JAK1: variants seen among roughly 807,000 people sequenced by gnomAD.
JAK1 encodes Janus kinase 1.
In JAK1, 16 loss-of-function variants were observed where a neutral mutation model predicts 136.6. That is an observed-to-expected ratio of 0.12 (90% CI 0.08 to 0.18). The LOEUF is 0.18. Ranked by LOEUF, JAK1 falls within the 10% of genes least tolerant of loss-of-function variation. JAK1 has a pLI of 1.00. For missense variants in JAK1, 859 were observed against 1,450.1 expected (o/e 0.59, Z 6.62); for synonymous variants, 492 against 519.5 (o/e 0.95, Z 0.72).
intron 2 of JAK1, chr1:64,985,498 C>G (rs1646590125): frequency 5.7e-6 from 9 of 1,568,218 alleles, no homozygotes; most frequent in Non-Finnish European, 7.9e-6. Context: ...GGAAGGGCTG[C>G]ACTTTGTAGC....
chr1:65,056,103 C>T (rs1369665106), intron 1 of JAK1, among the ~76,000 whole-genome samples: 2 of 152,134 alleles, frequency 1.3e-5, no homozygotes, highest in South Asian at 4.1e-4. Flanking sequence ...TTCACCAATC[C>T]CTAACTTTCC....
At chr1:64,873,090 T>C (rs1461365354) in intron 5 of JAK1, among the ~76,000 whole-genome samples, 3 of 151,916 alleles carry the variant, frequency 2.0e-5, no homozygotes, top group Admixed American at 2.0e-4. Context: ...AGGCTATTAA[T>C]ACGGATGAAA....
chr1:64,886,702 G>A (rs1264826306), intron 1 of JAK1, among the ~76,000 whole-genome samples: 1 of 151,090 alleles, frequency 6.6e-6, no homozygotes, highest in Non-Finnish European at 1.5e-5. Flanking sequence ...CCAAAAACGC[G>A]CACTTTAATT....
intron 12 of JAK1, among the ~76,000 whole-genome samples, chr1:64,848,498 T>G (rs1274814619): frequency 9.9e-5 from 15 of 151,832 alleles, no homozygotes. Flanking sequence ...TGGGGTGATG[T>G]GTCCTGGATT....
intron 1 of JAK1, among the ~76,000 whole-genome samples, chr1:64,945,682 A>G (rs944400810): frequency 6.6e-6 from 1 of 151,228 alleles, no homozygotes; most frequent in African/African-American, 2.4e-5. Context: ...GACAAACAAA[A>G]ATGGGAGCAA....
In JAK1 at chr1:64,857,721, G is replaced by A. The variant is rs769168304; in HGVS notation, c.1393C>T (p.Leu465=). Residue 465 remains leucine (L), a synonymous_variant, in exon 10 of 25, where the codon CTG becomes TTG. Transcript: ENST00000342505. ...QEGSEEGMYV[L]RWSCTDFDNI... ...TCAAAGTCGGTGCAGCTCCACCTCAGCACGTACATCCCCTCCTCGCTTCCT... is the reference window on the plus strand; with the variant it reads ...TCAAAGTCGGTGCAGCTCCACCTCAACACGTACATCCCCTCCTCGCTTCCT... 3 of 1,614,062 alleles carry A rather than the reference G, an allele frequency of 1.9e-6. No homozygotes were observed. The highest frequency in any genetic ancestry group is 2.7e-5 in the African/African-American group (2 of 74,926).
intron 20 of JAK1, among the ~76,000 whole-genome samples, chr1:64,838,810 ACAGT>A (rs1449655712): frequency 1.3e-5 from 2 of 152,202 alleles, no homozygotes; most frequent in South Asian, 2.1e-4. Context: ...CACTGAGATA[ACAGT>A]CAGAGTGCTC....
At chr1:64,950,222 A>G (rs1476858488) in intron 1 of JAK1, among the ~76,000 whole-genome samples, 1 of 152,138 alleles carries the variant, frequency 6.6e-6, no homozygotes, top group African/African-American at 2.4e-5. Context: ...ATCCTGGCCA[A>G]CATGGTGAAA....
At chr1:64,961,524 AAGAGCTACGGTC>A (rs1486437532) in intron 1 of JAK1, among the ~76,000 whole-genome samples, 2 of 152,058 alleles carry the variant, frequency 1.3e-5, no homozygotes, top group Non-Finnish European at 2.9e-5. Context: ...AATTTGTGGA[AAGAGCTACGGTC>A]TTCACAATCT....
intron 2 of JAK1, among the ~76,000 whole-genome samples, chr1:65,011,252 G>A (rs1041714264): frequency 6.6e-6 from 1 of 152,058 alleles, no homozygotes; most frequent in Non-Finnish European, 1.5e-5. Flanking sequence ...GAGGCGGGAG[G>A]ACTGCTTGAG....
chr1:64,918,640 G>T lies in JAK1; in HGVS notation c.-77-32299C>A, dbSNP rs78472403. 7.9e-5 allele frequency: 15 copies of T among 188,844 alleles called. No homozygotes were observed. The East Asian group carries it at 2.1e-3, about 27-fold the overall frequency. 11.7% of individuals were successfully genotyped at this position (188,844 alleles called of 1,614,324 possible). ...ATGAGCAATACAAGTTCTACTCAGTGAATGTGGATTACAGTAAACTGAAGA... is the reference window on the plus strand; with the variant it reads ...ATGAGCAATACAAGTTCTACTCAGTTAATGTGGATTACAGTAAACTGAAGA... On this transcript the variant is annotated intron_variant, in intron 1 of 24. Coordinates refer to ENST00000342505, the MANE Select transcript of JAK1 (RefSeq NM_002227.4).
intron 13 of JAK1, 49 bp from the exon 14 acceptor site, chr1:64,846,785 C>A (rs2101010445): frequency 6.8e-7 from 1 of 1,467,888 alleles, no homozygotes; most frequent in Non-Finnish European, 9.5e-7. Flanking sequence ...CTCCAGGGGG[C>A]TGCTCCCCAG....
Position 65,013,909 on chromosome 1 carries a change from A to G in JAK1, c.-78+30571T>C, listed in dbSNP as rs182661254. Among the ~76,000 whole-genome samples the G allele has an allele frequency of 9.2e-5, 14 of 152,336 alleles. No individual in the cohort carries two copies. In the East Asian group the frequency reaches 2.3e-3, roughly 25 times the overall value. On this transcript the variant is annotated intron_variant, in intron 2 of 25. Transcript: ENST00000671954. ...ACTATTGTTAAAGAAATAAAAGATGAGCTTGAAAATATCTTCAAGATACTG... is the reference window on the plus strand; with the variant it reads ...ACTATTGTTAAAGAAATAAAAGATGGGCTTGAAAATATCTTCAAGATACTG...
At chr1:64,868,020 G>C (rs1319315006) in intron 6 of JAK1, among the ~76,000 whole-genome samples, 1 of 151,104 alleles carries the variant, frequency 6.6e-6, no homozygotes, top group African/African-American at 2.4e-5. Context: ...AAGAGAGAGA[G>C]AGAGAGAGTG....
Position 64,844,037 on chromosome 1 carries a change from C to T in JAK1, c.2403+27G>A. On this transcript the variant is annotated intron_variant, in intron 17 of 24. Coordinates refer to ENST00000342505, the MANE Select transcript of JAK1 (RefSeq NM_002227.4). The surrounding 1 kb of genome is among the most constrained non-coding windows in gnomAD (Gnocchi z 5.7). ...CGAGCACCTGAAAGCCCTCACTTGC[C>T]TCACGCCCCGGGAAACACCTGCTCA... The T allele has an allele frequency of 6.2e-7, 1 of 1,612,484 alleles. No individual in the cohort carries two copies. Among genetic ancestry groups the T allele is most frequent in the Non-Finnish European group, 8.5e-7 (1 of 1,179,472 alleles).
intron 1 of JAK1, among the ~76,000 whole-genome samples, chr1:64,944,286 A>G (rs17393677): frequency 0.046 from 6,922 of 151,862 alleles, 259 homozygotes; most frequent in Admixed American, 0.13. Flanking sequence ...AGTAAAAGAT[A>G]GATTTATCAC....
Position 64,841,444 on chromosome 1 carries a change from G to A in JAK1, c.2554+7C>T, listed in dbSNP as rs1173697357. ...GCTGGGTTAAAGCAGCACATGGCAG[G>A]TCTTACTCTGCTCTTCAAGCTTATT... On this transcript the variant is annotated splice_region_variant and intron_variant, in intron 18 of 24. Transcript: ENST00000342505. The A allele has an allele frequency of 5.6e-6, 9 of 1,614,166 alleles. No homozygotes were observed. Among genetic ancestry groups the A allele is most frequent in the Non-Finnish European group, 7.6e-6 (9 of 1,180,012 alleles).
chr1:64,933,203 T>C (rs1398154193), intron 1 of JAK1, among the ~76,000 whole-genome samples: 4 of 152,218 alleles, frequency 2.6e-5, no homozygotes, highest in Admixed American at 2.0e-4. Context: ...ACAAAGAAGT[T>C]AGGTTTTACT....
chr1:64,932,496 G>A (rs1032464704), intron 1 of JAK1, among the ~76,000 whole-genome samples: 5 of 152,212 alleles, frequency 3.3e-5, no homozygotes, highest in Middle Eastern at 3.4e-3. Context: ...AATAAGTGTC[G>A]AGGTTGGGTT....
Sources: allele counts gnomAD v4.1 joint callset (sites outside exome capture counted in the v4.1 genomes callset), GRCh38; gene constraint gnomAD v4.1.1; non-coding constraint Gnocchi (gnomAD v3.1); transcripts MANE v1.5; gene names NCBI Gene and HGNC (gene_info 2026-07-23, HGNC 2026-07-21).